ZNF433: variants seen among roughly 807,000 people sequenced by gnomAD.
ZNF433 encodes the protein zinc finger protein 433.
A neutral mutation model predicts 10.6 loss-of-function variants in ZNF433; 12 were observed. The observed-to-expected ratio is 1.13, with a 90% CI of 0.72 to 1.83. The LOEUF is 1.83. Among genes scored for constraint, ZNF433 ranks in the 40% most tolerant of loss-of-function variants. The pLI is 0.00. For missense variants in ZNF433, 737 were observed against 798.0 expected, an observed-to-expected ratio of 0.92 and a Z score of 0.92; for synonymous variants, 272 against 271.3, an observed-to-expected ratio of 1.00 and a Z score of -0.02.
rs969810273 is a variant in ZNF433 at position 12,014,816 on chromosome 19, C to A, written c.*29G>T. 1.3e-6 allele frequency: 2 copies of A among 1,491,028 alleles called. No homozygotes were observed. The highest frequency in any genetic ancestry group is 3.6e-4 in the Middle Eastern group (2 of 5,622). 92.4% of individuals were successfully genotyped at this position (1,491,028 alleles called of 1,614,324 possible). On this transcript the variant is annotated 3_prime_UTR_variant, in exon 4 of 4. Transcript: ENST00000550507. ...CTTGAACTCCTGGGCTTAAGCAGTCCCCCCACCTCAGCCTCCTAAAGCCTG... is the reference window on the plus strand; with the variant it reads ...CTTGAACTCCTGGGCTTAAGCAGTCACCCCACCTCAGCCTCCTAAAGCCTG...
At chr19:12,028,048 A>G (rs1001529747) in intron 1 of ZNF433, 18 of 151,910 alleles carry the variant, frequency 1.2e-4, no homozygotes, top group Admixed American at 1.2e-3. Flanking sequence ...GTTTTTTTCA[A>G]TTTTGTTTTT....
At position 12,034,524 on chromosome 19, in the gene ZNF433, A is replaced by C. The variant is rs1158629688; in HGVS notation, c.3+1013T>G. ...GTTAAAACAGACATCAGCCAACTGG[A>C]AACACAGACTCTCTGTGACAATAAG... is the stretch of plus-strand genomic sequence containing the variant. On this transcript the variant is annotated intron_variant, in intron 1 of 3. Coordinates refer to ENST00000550507, the MANE Select transcript of ZNF433 (RefSeq NM_001308348.2). The C allele has an allele frequency of 2.4e-5, 6 of 254,134 alleles. No homozygotes were observed. In the Admixed American group the frequency reaches 2.7e-4, roughly 12 times the overall value. The allele number at this position is 254,134 out of a possible 1,614,324, so 15.7% of individuals were successfully genotyped here. A position where few individuals can be genotyped will look rare whatever the true frequency, so the allele number is the denominator to read the frequency against.
rs754859866 is a variant in ZNF433, at chr19:12,019,052, TAAAAAAAAAAAA to T, written c.4-772_4-761del. On this transcript the variant is annotated intron_variant, in intron 1 of 3. Transcript: ENST00000550507. ...GTGACAGAGCAAGACTCCATCTTAATAAAAAAAAAAAAAAAAAAAAAAAAATTTCCAGGCACC... is the reference window on the plus strand; with the variant it reads ...GTGACAGAGCAAGACTCCATCTTAATAAAAAAAAAAAAATTTCCAGGCACC... Among the ~76,000 whole-genome samples, 17 of 62,836 alleles carry T rather than the reference TAAAAAAAAAAAA, an allele frequency of 2.7e-4. No homozygotes were observed. In the East Asian group the frequency reaches 7.3e-3, roughly 27 times the overall value. 41.2% of individuals were successfully genotyped at this position (62,836 alleles called of 152,430 possible).
rs779355154 is a variant in ZNF433, at chr19:12,016,916, TG to T, written c.192-251del. ...ATACCACCACACCCAGCTAATTTTT[TG>T]TATTTTAGTAGACGGGGTTTCACCA... On this transcript the variant is annotated intron_variant, in intron 3 of 3. Coordinates refer to ENST00000550507, the MANE Select transcript of ZNF433 (RefSeq NM_001308348.2). 5.9e-5 allele frequency among the ~76,000 whole-genome samples: 9 copies of T among 152,168 alleles called. No homozygotes were observed. The East Asian group carries it at 1.8e-3, about 30-fold the overall frequency.
In ZNF433 at chr19:12,035,592, C is replaced by A. The variant is rs1055527888; in HGVS notation, c.-53G>T. On this transcript the variant is annotated 5_prime_UTR_variant, in exon 1 of 4. Transcript: ENST00000550507. Reference sequence around the variant, plus strand: ...CCAGTGCGGGTCACAGCACAGGCGACAGAAGCTATGGCAGAGGCACCTGAA... The same window carrying A: ...CCAGTGCGGGTCACAGCACAGGCGAAAGAAGCTATGGCAGAGGCACCTGAA... 1 of 1,556,616 alleles carries A rather than the reference C, an allele frequency of 6.4e-7. No homozygotes were observed. The highest frequency in any genetic ancestry group is 1.4e-5 in the African/African-American group (1 of 73,120).
intron 3 of ZNF433, among the ~76,000 whole-genome samples, chr19:12,017,194 GT>G (rs1000146377): frequency 6.6e-6 from 1 of 150,932 alleles, no homozygotes; most frequent in Non-Finnish European, 1.5e-5. Context: ...CTGTTTTTTG[GT>G]TTTTTTTGTT....
At chr19:12,022,209 G>A (rs766315729) in intron 1 of ZNF433, 9 of 351,306 alleles carry the variant, frequency 2.6e-5, no homozygotes, top group East Asian at 7.5e-5. Context: ...AAACAATAGC[G>A]TAAGTGATCT....
chr19:12,016,903 C>T (rs1160014411), intron 3 of ZNF433, among the ~76,000 whole-genome samples: 1 of 152,074 alleles, frequency 6.6e-6, no homozygotes, highest in Non-Finnish European at 1.5e-5. Context: ...ACCACCACAC[C>T]CAGCTAATTT....
chr19:12,026,749 T>A (rs2145456923), intron 1 of ZNF433: 1 of 454,160 alleles, frequency 2.2e-6, no homozygotes, highest in East Asian at 6.9e-5. Context: ...TGCACAACGA[T>A]TCCTATGGAG....
intron 2 of ZNF433, 97 bp downstream of exon 2, chr19:12,018,069 C>T: frequency 7.2e-7 from 1 of 1,394,058 alleles, no homozygotes. Flanking sequence ...CATTGTAAAT[C>T]ACTCAACAGC....
At chr19:12,016,698 TTTGA>T (rs770816446) in intron 3 of ZNF433, 32 bp from the exon 4 acceptor site, 148 of 1,589,932 alleles carry the variant, frequency 9.3e-5, no homozygotes, top group Admixed American at 2.4e-4. Flanking sequence ...TTATAATGGG[TTTGA>T]TTATCAGTGA....
intron 1 of ZNF433, chr19:12,030,267 AT>A (rs1451368187): frequency 3.7e-5 from 15 of 402,806 alleles, no homozygotes; most frequent in Non-Finnish European, 6.3e-5. Flanking sequence ...CGTCACCAGG[AT>A]GGAGTGCAGT....
chr19:12,031,160 G>T (rs1276284307), intron 1 of ZNF433, among the ~76,000 whole-genome samples: 1 of 152,066 alleles, frequency 6.6e-6, no homozygotes, highest in African/African-American at 2.4e-5. Context: ...GCTGGATGTG[G>T]TAGTGCGTGC....
chr19:12,016,509 T>A lies in ZNF433; in HGVS notation c.349A>T (p.Asn117Tyr). The A allele has an allele frequency of 6.2e-7, 1 of 1,614,162 alleles. No homozygotes were observed. Among genetic ancestry groups the A allele is most frequent in the Non-Finnish European group, 8.5e-7 (1 of 1,180,026 alleles). ...GEVGSAHSSL[N>Y]RHIRDDTGHK... ...CCAGTGTCATCTCTGATGTGCCTAT[T>A]AAGAGATGAATGAGCACTGCCTACT... The change falls in exon 4 of 4, where the codon AAT becomes TAT. Residue 117 changes from asparagine (N) to tyrosine (Y), a missense_variant. By Grantham distance (143) the Asn-to-Tyr change is moderately radical. Transcript: ENST00000550507.
At chr19:12,030,792 A>G (rs1974980246) in intron 1 of ZNF433, among the ~76,000 whole-genome samples, 2 of 152,206 alleles carry the variant, frequency 1.3e-5, no homozygotes, top group South Asian at 4.1e-4. Context: ...TGAAATAACT[A>G]AAAGAGCTGG....
chr19:12,016,753 CT>C (rs200835131), intron 3 of ZNF433, 87 bp from the exon 4 acceptor site: 29 of 1,478,710 alleles, frequency 2.0e-5, no homozygotes, highest in Admixed American at 1.2e-4. Context: ...CATTTTTTCT[CT>C]TTTTTTTGAG....
At position 12,015,399 on chromosome 19, in the gene ZNF433, G is replaced by A. The variant is rs745762559; in HGVS notation, c.1459C>T (p.Pro487Ser). Reference sequence around the variant, plus strand: ...CTTTCATGTCTATGAAATAAACTGGGCAAACTGAATGTTTTCCCATAACCC... The same window carrying A: ...CTTTCATGTCTATGAAATAAACTGGACAAACTGAATGTTTTCCCATAACCC... ...CKGYGKTFSL[P>S]SLFHRHERTH... The change falls in exon 4 of 4, where the codon CCC becomes TCC. Residue 487 changes from proline to serine, a missense_variant. Coordinates refer to ENST00000550507, the MANE Select transcript of ZNF433 (RefSeq NM_001308348.2). 6.2e-6 allele frequency: 10 copies of A among 1,614,074 alleles called. No individual in the cohort carries two copies. In the South Asian group the frequency reaches 9.9e-5, roughly 16 times the overall value.
chr19:12,024,555 A>G (rs1311623136), intron 1 of ZNF433: 1 of 152,246 alleles, frequency 6.6e-6, no homozygotes, highest in African/African-American at 2.4e-5. Context: ...GCTATGAGTA[A>G]TCTGTTTTCT....
intron 1 of ZNF433, among the ~76,000 whole-genome samples, chr19:12,030,593 C>T (rs1157736660): frequency 6.6e-6 from 1 of 152,088 alleles, no homozygotes; most frequent in Non-Finnish European, 1.5e-5. Context: ...GATAGATAGG[C>T]ACTAGCCCTA....
Sources: gnomAD v4.1 joint callset for allele counts (sites outside exome capture counted in the v4.1 genomes callset) on GRCh38, gnomAD v4.1.1 for gene constraint, MANE v1.5 for transcripts, NCBI Gene and HGNC (gene_info 2026-07-23, HGNC 2026-07-21) for gene names.